Variants in DCDC1 observed in about 807,000 individuals in gnomAD.
DCDC1 encodes doublecortin domain containing 1, also known as doublecortin domain-containing protein 1.
Under a neutral mutation model 178.3 loss-of-function variants are expected in DCDC1, and 200 were observed. That is an observed-to-expected ratio of 1.12 (90% CI 1.00 to 1.26). The LOEUF (loss-of-function observed/expected upper bound fraction) is 1.26. Ranked by LOEUF, DCDC1 falls within the 50% of genes most tolerant of loss-of-function variation. The pLI is 0.00. For missense variants in DCDC1, 1,983 were observed against 1,749.2 expected, an observed-to-expected ratio of 1.13 and a Z score of -2.38; for synonymous variants, 690 against 604.8, an observed-to-expected ratio of 1.14 and a Z score of -2.07.
At chr11:30,997,588 T>C (rs1187411595) in intron 20 of DCDC1, among the ~76,000 whole-genome samples, 1 of 152,160 alleles carries the variant, frequency 6.6e-6, no homozygotes, top group African/African-American at 2.4e-5. Flanking sequence ...TTTCTCCTAG[T>C]AGTACAGTTT....
intron 20 of DCDC1, among the ~76,000 whole-genome samples, chr11:31,041,266 C>T (rs1590849165): frequency 6.6e-6 from 1 of 152,050 alleles, no homozygotes; most frequent in Non-Finnish European, 1.5e-5. Context: ...GTAAACCAGA[C>T]AATTTTATAT....
chr11:31,302,613 T>C (rs1189909790), intron 6 of DCDC1, among the ~76,000 whole-genome samples: 1 of 152,190 alleles, frequency 6.6e-6, no homozygotes. Flanking sequence ...ATTATTCTAA[T>C]ACTGCATTTC....
rs117130766 is a variant in DCDC1, at chr11:31,060,506, A to C, written c.2591+3963T>G. 5.6e-3 allele frequency among the ~76,000 whole-genome samples: 858 copies of C among 152,244 alleles called. 4 individuals carry two copies. The highest frequency in any genetic ancestry group is 8.9e-3 in the Non-Finnish European group (607 of 67,986). On this transcript the variant is annotated intron_variant, in intron 20 of 38. Transcript: ENST00000684477. ...GTGCAAGATAGACTTTAAAATTTAAATACTGCAATATTCTGAAGTTTATAT... is the reference window on the plus strand; with the variant it reads ...GTGCAAGATAGACTTTAAAATTTAACTACTGCAATATTCTGAAGTTTATAT...
chr11:31,211,926 C>CA (rs34792288), intron 9 of DCDC1, among the ~76,000 whole-genome samples: 1 of 151,710 alleles, frequency 6.6e-6, no homozygotes, highest in African/African-American at 2.4e-5. Context: ...ACTAAAAATA[C>CA]AAAAAAATTA....
At chr11:31,024,132 T>C (rs545900229) in intron 20 of DCDC1, among the ~76,000 whole-genome samples, 1 of 152,170 alleles carries the variant, frequency 6.6e-6, no homozygotes, top group South Asian at 2.1e-4. Flanking sequence ...TAAATATCTA[T>C]CTATAGGATA....
At chr11:31,172,408 G>A (rs987489104) in intron 9 of DCDC1, among the ~76,000 whole-genome samples, 4 of 152,016 alleles carry the variant, frequency 2.6e-5, no homozygotes, top group African/African-American at 9.7e-5. Context: ...AGATTAAGTT[G>A]AAAATATTTT....
chr11:30,980,161 C>G (rs1424249974), intron 20 of DCDC1, among the ~76,000 whole-genome samples: 1 of 152,100 alleles, frequency 6.6e-6, no homozygotes, highest in Non-Finnish European at 1.5e-5. Context: ...TCAGTACATC[C>G]CCAGTGCCTA....
intron 20 of DCDC1, among the ~76,000 whole-genome samples, chr11:30,994,275 G>A (rs1161172755): frequency 1.3e-5 from 2 of 152,034 alleles, no homozygotes; most frequent in South Asian, 2.1e-4. Flanking sequence ...AAAATTTACA[G>A]CAAACCAGGA....
intron 20 of DCDC1, among the ~76,000 whole-genome samples, chr11:30,986,863 A>G (rs1268421502): frequency 6.6e-6 from 1 of 152,228 alleles, no homozygotes; most frequent in Non-Finnish European, 1.5e-5. Flanking sequence ...AGTTCTGCTC[A>G]TGACGTGAAC....
At chr11:31,004,228 G>C (rs981920166) in intron 20 of DCDC1, among the ~76,000 whole-genome samples, 1 of 152,080 alleles carries the variant, frequency 6.6e-6, no homozygotes, top group East Asian at 1.9e-4. Flanking sequence ...TTTGCCAAAA[G>C]TATTTTATTG....
chr11:30,915,404 A>T, intron 27 of DCDC1, 107 bp downstream of exon 27: 1 of 1,187,300 alleles, frequency 8.4e-7, no homozygotes, highest in Non-Finnish European at 1.2e-6. Context: ...TAAATAGAAG[A>T]CCCAGAATTC....
At chr11:31,027,928 C>T (rs1187531672) in intron 20 of DCDC1, among the ~76,000 whole-genome samples, 1 of 151,788 alleles carries the variant, frequency 6.6e-6, no homozygotes, top group East Asian at 1.9e-4. Context: ...GACTAAACCA[C>T]AGTTACATAT....
At chr11:31,173,112 C>T (rs1275433133) in intron 9 of DCDC1, among the ~76,000 whole-genome samples, 1 of 152,156 alleles carries the variant, frequency 6.6e-6, no homozygotes, top group Non-Finnish European at 1.5e-5. Flanking sequence ...AGGATAGAGG[C>T]TGGTTTACTT....
intron 7 of DCDC1, among the ~76,000 whole-genome samples, chr11:31,274,450 G>A (rs1197763705): frequency 6.6e-6 from 1 of 152,052 alleles, no homozygotes; most frequent in African/African-American, 2.4e-5. Flanking sequence ...GGAGTAGGTG[G>A]CATAAGGAAG....
At chr11:31,261,865 C>T (rs572283779) in intron 8 of DCDC1, among the ~76,000 whole-genome samples, 11 of 152,076 alleles carry the variant, frequency 7.2e-5, no homozygotes, top group African/African-American at 1.7e-4. Context: ...CTTTTTCATA[C>T]GTAACAATAA....
chr11:30,975,838 T>C (rs532111458), intron 20 of DCDC1, among the ~76,000 whole-genome samples: 2 of 152,056 alleles, frequency 1.3e-5, no homozygotes, highest in South Asian at 4.1e-4. Flanking sequence ...CAATGTCATT[T>C]TTTACAGAAA....
intron 7 of DCDC1, chr11:31,280,644 A>G (rs367957684): frequency 1.3e-4 from 62 of 476,410 alleles, no homozygotes; most frequent in African/African-American, 1.0e-3. Flanking sequence ...TCTGTTTTGT[A>G]ATAAATAAGG....
intron 28 of DCDC1, among the ~76,000 whole-genome samples, chr11:30,910,265 C>T (rs1166280239): frequency 2.6e-5 from 4 of 152,060 alleles, no homozygotes; most frequent in Non-Finnish European, 4.4e-5. Context: ...TGGGAGAAAC[C>T]ATCCATATCT....
At chr11:31,286,760 T>C (rs1946868430) in intron 7 of DCDC1, among the ~76,000 whole-genome samples, 1 of 152,046 alleles carries the variant, frequency 6.6e-6, no homozygotes, top group Non-Finnish European at 1.5e-5. Context: ...AGAAAACAGA[T>C]AAACATCCAG....
Sources: gnomAD v4.1 joint callset for allele counts (sites outside exome capture counted in the v4.1 genomes callset) on GRCh38, gnomAD v4.1.1 for gene constraint, MANE v1.5 for transcripts, NCBI Gene and HGNC (gene_info 2026-07-23, HGNC 2026-07-21) for gene names.